The following HS3ST4 variants were observed in gnomAD, a reference collection of about 807,000 sequenced individuals.
HS3ST4 encodes the protein heparan sulfate-glucosamine 3-sulfotransferase 4.
In HS3ST4, 17 loss-of-function variants were observed where a neutral mutation model predicts 29.2. That is an observed-to-expected ratio of 0.58 (90% CI 0.40 to 0.87). HS3ST4 has a LOEUF of 0.87. HS3ST4 is among the 40% of genes least tolerant of loss of function. HS3ST4 has a pLI of 0.00. For missense variants in HS3ST4, 627 were observed against 634.5 expected, an observed-to-expected ratio of 0.99 and a Z score of 0.13; for synonymous variants, 314 against 285.7, an observed-to-expected ratio of 1.10 and a Z score of -1.00.
At chr16:25,828,324 C>T (rs1446346456) in intron 1 of HS3ST4, among the ~76,000 whole-genome samples, 18 of 135,362 alleles carry the variant, frequency 1.3e-4, no homozygotes, top group African/African-American at 3.4e-4. Flanking sequence ...CTCTCTCTCT[C>T]TCTCTCTCTC....
intron 1 of HS3ST4, among the ~76,000 whole-genome samples, chr16:25,939,465 G>A (rs1006312788): frequency 6.6e-6 from 1 of 151,866 alleles, no homozygotes; most frequent in Non-Finnish European, 1.5e-5. Context: ...AGCCTCCCGA[G>A]TAGCTGGGAT....
chr16:25,738,916 C>T (rs1966631669), intron 1 of HS3ST4, among the ~76,000 whole-genome samples: 1 of 152,174 alleles, frequency 6.6e-6, no homozygotes, highest in South Asian at 2.1e-4. Context: ...CTTGGCTATT[C>T]AGGGTCTTTT....
intron 1 of HS3ST4, among the ~76,000 whole-genome samples, chr16:25,907,632 C>T (rs1258196442): frequency 6.6e-6 from 1 of 152,130 alleles, no homozygotes; most frequent in Non-Finnish European, 1.5e-5. Flanking sequence ...CCAAAGATAC[C>T]CTTATCCTAA....
intron 1 of HS3ST4, among the ~76,000 whole-genome samples, chr16:25,968,624 G>A (rs1176560657): frequency 6.6e-6 from 1 of 152,144 alleles, no homozygotes; most frequent in African/African-American, 2.4e-5. Context: ...AGTTTGTCTG[G>A]GTTCACAGGC....
chr16:25,985,929 C>G (rs527770715), intron 1 of HS3ST4, among the ~76,000 whole-genome samples: 4 of 152,318 alleles, frequency 2.6e-5, no homozygotes, highest in African/African-American at 9.6e-5. Flanking sequence ...ATGGTATCTT[C>G]CTGCCTTGGC....
intron 1 of HS3ST4, among the ~76,000 whole-genome samples, chr16:25,957,579 C>T (rs983542281): frequency 3.3e-5 from 5 of 152,100 alleles, no homozygotes; most frequent in Non-Finnish European, 2.9e-5. Context: ...CACCACTCAC[C>T]GCTAATTTTT....
Position 25,898,362 on chromosome 16 carries a change from A to G in HS3ST4, c.734+205211A>G, listed in dbSNP as rs60115173. Among the ~76,000 whole-genome samples, 1,120 of 152,324 alleles carry G rather than the reference A, an allele frequency of 7.4e-3. 10 individuals are homozygous for G. Among genetic ancestry groups the G allele is most frequent in the African/African-American group, 0.025 (1,023 of 41,572 alleles). Reference sequence around the variant, plus strand: ...CATTTATTAACAGCAAGTCTTTGTGAGACCAATCTGATCATTTTCCTCCCT... The same window carrying G: ...CATTTATTAACAGCAAGTCTTTGTGGGACCAATCTGATCATTTTCCTCCCT... On this transcript the variant is annotated intron_variant, in intron 1 of 1. Coordinates refer to ENST00000331351, the MANE Select transcript of HS3ST4 (RefSeq NM_006040.3).
At chr16:26,084,174 G>A (rs922965407) in intron 1 of HS3ST4, among the ~76,000 whole-genome samples, 5 of 152,160 alleles carry the variant, frequency 3.3e-5, no homozygotes, top group African/African-American at 4.8e-5. Context: ...AGTCTCTCCT[G>A]AGCATTTCCA....
At chr16:25,840,901 G>A (rs1239263373) in intron 1 of HS3ST4, among the ~76,000 whole-genome samples, 1 of 151,914 alleles carries the variant, frequency 6.6e-6, no homozygotes, top group African/African-American at 2.4e-5. Flanking sequence ...TAAGCTTATT[G>A]GTCTAAGACA....
chr16:25,761,493 A>G (rs1396155435), intron 1 of HS3ST4, among the ~76,000 whole-genome samples: 1 of 152,228 alleles, frequency 6.6e-6, no homozygotes, highest in African/African-American at 2.4e-5. Flanking sequence ...ACCTCAGCCT[A>G]AACTGATTGG....
chr16:26,066,851 C>T (rs1306502792), intron 1 of HS3ST4, among the ~76,000 whole-genome samples: 1 of 152,224 alleles, frequency 6.6e-6, no homozygotes, highest in African/African-American at 2.4e-5. Flanking sequence ...ATGCAATGCT[C>T]AGGACATCTG....
intron 1 of HS3ST4, among the ~76,000 whole-genome samples, chr16:26,086,608 C>G (rs61033140): frequency 0.034 from 5,150 of 152,206 alleles, 273 homozygotes; most frequent in African/African-American, 0.11. Context: ...CTCGGCCTCC[C>G]AAAGTGCTGG....
At chr16:25,906,541 G>T (rs1179279412) in intron 1 of HS3ST4, among the ~76,000 whole-genome samples, 4 of 151,922 alleles carry the variant, frequency 2.6e-5, no homozygotes, top group Non-Finnish European at 5.9e-5. Flanking sequence ...TTCCACTGAG[G>T]GAAGAAAGTC....
intron 1 of HS3ST4, among the ~76,000 whole-genome samples, chr16:26,001,582 T>G (rs1969211947): frequency 6.6e-6 from 1 of 152,196 alleles, no homozygotes; most frequent in African/African-American, 2.4e-5. Context: ...TAATATGTTT[T>G]TAAGTCTGTT....
intron 1 of HS3ST4, among the ~76,000 whole-genome samples, chr16:25,816,401 C>G (rs1967092759): frequency 6.6e-6 from 1 of 152,170 alleles, no homozygotes; most frequent in Non-Finnish European, 1.5e-5. Flanking sequence ...ACCTCCAGCA[C>G]CCGTCCAGAC....
chr16:25,803,938 C>T lies in HS3ST4; in HGVS notation c.734+110787C>T, dbSNP rs141929682. 2.8e-4 allele frequency among the ~76,000 whole-genome samples: 43 copies of T among 152,094 alleles called. No individual in the cohort carries two copies. The East Asian group carries it at 7.7e-3, about 27-fold the overall frequency. ...TCCTTTCATTTTTCATATTTTGGTTCCCCCTCCCCCTCTCCTTCCCTCTCC... is the reference window on the plus strand; with the variant it reads ...TCCTTTCATTTTTCATATTTTGGTTTCCCCTCCCCCTCTCCTTCCCTCTCC... On this transcript the variant is annotated intron_variant, in intron 1 of 1. Coordinates refer to ENST00000331351, the MANE Select transcript of HS3ST4 (RefSeq NM_006040.3).
intron 1 of HS3ST4, among the ~76,000 whole-genome samples, chr16:25,979,135 G>T (rs909720935): frequency 4.6e-5 from 7 of 152,082 alleles, no homozygotes; most frequent in African/African-American, 1.7e-4. Context: ...GACCTCAGGT[G>T]ATCCGCCTGC....
At chr16:26,135,175 A>C (rs999306826) in intron 1 of HS3ST4, among the ~76,000 whole-genome samples, 4 of 152,142 alleles carry the variant, frequency 2.6e-5, no homozygotes, top group Non-Finnish European at 2.9e-5. Context: ...TAACAATAAT[A>C]ATTTCTTTAA....
chr16:26,018,135 T>G (rs947193317), intron 1 of HS3ST4, among the ~76,000 whole-genome samples: 5 of 152,214 alleles, frequency 3.3e-5, no homozygotes, highest in African/African-American at 1.2e-4. Flanking sequence ...GGATGTCACT[T>G]GAAAGCAGGG....
Sources: gnomAD v4.1 joint callset for allele counts (sites outside exome capture counted in the v4.1 genomes callset) on GRCh38, gnomAD v4.1.1 for gene constraint, MANE v1.5 for transcripts, NCBI Gene and HGNC (gene_info 2026-07-23, HGNC 2026-07-21) for gene names.